Variants in LOXHD1 observed in about 807,000 individuals in gnomAD.
The protein encoded by LOXHD1 is lipoxygenase homology domain-containing protein 1.
In LOXHD1, 205 loss-of-function variants were observed where a neutral mutation model predicts 248.2. That is an observed-to-expected ratio of 0.83 (90% confidence interval 0.74 to 0.93). The LOEUF (loss-of-function observed/expected upper bound fraction) is 0.93, where lower values mean the gene tolerates loss of function less well. Among genes scored for constraint, LOXHD1 ranks in the 40% least tolerant of loss-of-function variants. The pLI is 0.00. For missense variants in LOXHD1, 2,930 were observed against 2,971.6 expected (o/e 0.99, Z 0.33); for synonymous variants, 1,113 against 1,162.8 (o/e 0.96, Z 0.87).
chr18:46,654,265 A>G (rs566787066), intron 1 of LOXHD1, among the ~76,000 whole-genome samples: 12 of 152,382 alleles, frequency 7.9e-5, no homozygotes. Flanking sequence ...GTATTCTGGC[A>G]TAGCAGCACC....
chr18:46,508,437 T>A (rs2034725668), intron 35 of LOXHD1, among the ~76,000 whole-genome samples: 1 of 152,082 alleles, frequency 6.6e-6, no homozygotes, highest in Non-Finnish European at 1.5e-5. Context: ...AAGACTGGCA[T>A]GATGCTGCCC....
chr18:46,525,047 CT>C (rs1487862355), intron 29 of LOXHD1, 130 bp from the exon 30 acceptor site: 20 of 1,053,282 alleles, frequency 1.9e-5, no homozygotes, highest in Non-Finnish European at 2.2e-5. Flanking sequence ...CTGGGGAGCC[CT>C]CCAGGCCCAA....
At chr18:46,554,610 C>A (rs2037244047) in intron 21 of LOXHD1, among the ~76,000 whole-genome samples, 1 of 150,018 alleles carries the variant, frequency 6.7e-6, no homozygotes, top group Non-Finnish European at 1.5e-5. Context: ...GCAAAGGAAG[C>A]AAAGGACTGT....
intron 37 of LOXHD1, 84 bp from the exon 38 acceptor site, chr18:46,489,226 C>T: frequency 7.2e-7 from 1 of 1,379,866 alleles, no homozygotes. Flanking sequence ...AACCCATTGG[C>T]TGTGTGGCCC....
chr18:46,576,918 T>C (rs2037868553), intron 14 of LOXHD1, among the ~76,000 whole-genome samples: 1 of 152,192 alleles, frequency 6.6e-6, no homozygotes, highest in African/African-American at 2.4e-5. Context: ...TGGGCAGCTG[T>C]GCAACTCACC....
intron 4 of LOXHD1, among the ~76,000 whole-genome samples, chr18:46,621,670 C>G (rs1599055846): frequency 2.0e-5 from 3 of 151,950 alleles, no homozygotes; most frequent in Non-Finnish European, 4.4e-5. Context: ...AACAAAACGC[C>G]CACATATGAG....
intron 21 of LOXHD1, among the ~76,000 whole-genome samples, chr18:46,549,803 T>C (rs1355731682): frequency 1.3e-5 from 2 of 152,252 alleles, no homozygotes; most frequent in African/African-American, 2.4e-5. Flanking sequence ...AAGGATCTTA[T>C]AGGACCCCCC....
intron 6 of LOXHD1, among the ~76,000 whole-genome samples, chr18:46,607,494 T>A (rs1331645131): frequency 6.6e-6 from 1 of 150,970 alleles, no homozygotes; most frequent in African/African-American, 2.4e-5. Context: ...ATAAGTGATA[T>A]ATATATATTA....
intron 5 of LOXHD1, among the ~76,000 whole-genome samples, chr18:46,616,815 A>G (rs1318145548): frequency 6.6e-6 from 1 of 152,234 alleles, no homozygotes; most frequent in Non-Finnish European, 1.5e-5. Flanking sequence ...GGTTGCTGAT[A>G]GGAATTTGCT....
intron 4 of LOXHD1, among the ~76,000 whole-genome samples, chr18:46,625,219 A>G (rs995587273): frequency 1.3e-5 from 2 of 152,132 alleles, no homozygotes; most frequent in Non-Finnish European, 2.9e-5. Flanking sequence ...TGCCAAACCC[A>G]CACGGCCCCA....
intron 6 of LOXHD1, among the ~76,000 whole-genome samples, chr18:46,607,292 T>C (rs1259189851): frequency 1.3e-5 from 2 of 150,976 alleles, no homozygotes; most frequent in African/African-American, 2.4e-5. Flanking sequence ...TATGACACCA[T>C]ATATATATGG....
At chr18:46,593,898 C>A (rs1168966567) in intron 9 of LOXHD1, 138 bp from the exon 10 acceptor site, 9 of 814,356 alleles carry the variant, frequency 1.1e-5, no homozygotes, top group Non-Finnish European at 1.5e-5. Flanking sequence ...TCTCAGAAAC[C>A]CATTATAGCC....
intron 37 of LOXHD1, among the ~76,000 whole-genome samples, chr18:46,492,470 A>G (rs1598836268): frequency 6.6e-6 from 1 of 152,226 alleles, no homozygotes; most frequent in Non-Finnish European, 1.5e-5. Context: ...TAATGAAACC[A>G]TCAGATCTTG....
chr18:46,535,523 T>C (rs2036270212), intron 26 of LOXHD1, among the ~76,000 whole-genome samples: 1 of 152,130 alleles, frequency 6.6e-6, no homozygotes, highest in Admixed American at 6.6e-5. Flanking sequence ...ATCTCTGGCT[T>C]CTGTGACCTT....
intron 4 of LOXHD1, among the ~76,000 whole-genome samples, chr18:46,637,693 A>G (rs1043464326): frequency 2.0e-5 from 3 of 152,158 alleles, no homozygotes; most frequent in African/African-American, 7.2e-5. Context: ...CTCACCAGTA[A>G]TCAAAGAAAG....
At position 46,650,928 on chromosome 18, in the gene LOXHD1, C is replaced by T. The variant is rs116509394; in HGVS notation, c.131-1659G>A. ...TGCCAGCCTCTCTGTAACACCTGAA[C>T]GATCTTACCTGGTTTGCAGGGCATT... On this transcript the variant is annotated intron_variant, in intron 1 of 40. Transcript: ENST00000642948. Among the ~76,000 whole-genome samples the T allele has an allele frequency of 2.0e-3, 297 of 152,248 alleles. 2 individuals carry two copies. The highest frequency in any genetic ancestry group is 6.2e-3 in the African/African-American group (256 of 41,548).
At position 46,506,098 on chromosome 18, in the gene LOXHD1, C is replaced by T. The variant is rs562291834; in HGVS notation, c.5693-75G>A. 6.6e-5 allele frequency: 99 copies of T among 1,497,936 alleles called. No individual in the cohort carries two copies. In the African/African-American group the frequency reaches 7.5e-4, roughly 11 times the overall value. The allele number at this position is 1,497,936 out of a possible 1,614,324, so 92.8% of individuals were successfully genotyped here. A position where few individuals can be genotyped will look rare whatever the true frequency, so the allele number is the denominator to read the frequency against. On this transcript the variant is annotated intron_variant, in intron 36 of 40. Coordinates refer to ENST00000642948, the MANE Select transcript of LOXHD1 (RefSeq NM_001384474.1). ...AGTCCTCTTGCTCTGGCCTTGATCC[C>T]GGACTCCTCAGAGGAGTCAGGGGTA... is the stretch of plus-strand genomic sequence containing the variant.
At chr18:46,620,889 C>G (rs543558080) in intron 4 of LOXHD1, among the ~76,000 whole-genome samples, 83 of 152,292 alleles carry the variant, frequency 5.5e-4, no homozygotes, top group Admixed American at 5.4e-3. Context: ...CGAACGCACA[C>G]GGGACTTTGG....
At position 46,488,954 on chromosome 18, in the gene LOXHD1, A is replaced by G. The variant is rs546402568; in HGVS notation, c.6049+18T>C. ...CATTCCCTGCCTCCCTCCTGAGCCA[A>G]TGATCTCCCCCACATACTGGTCTCT... On this transcript the variant is annotated intron_variant, in intron 38 of 40. Transcript: ENST00000642948. The G allele has an allele frequency of 6.5e-6, 10 of 1,545,250 alleles. No individual in the cohort carries two copies. Among genetic ancestry groups the G allele is most frequent in the East Asian group, 2.5e-5 (1 of 40,774 alleles).
Sources: allele counts gnomAD v4.1 joint callset (sites outside exome capture counted in the v4.1 genomes callset), GRCh38; gene constraint gnomAD v4.1.1; transcripts MANE v1.5; gene names NCBI Gene and HGNC (gene_info 2026-07-23, HGNC 2026-07-21).